The following PDGFD variants were observed in gnomAD, a reference collection of about 807,000 sequenced individuals.
PDGFD encodes the protein platelet-derived growth factor D.
PDGFD carries 30 observed loss-of-function variants against 44.7 expected under a neutral mutation model. That is an observed-to-expected ratio of 0.67 (90% CI 0.50 to 0.91). PDGFD has a LOEUF of 0.91. Ranked by LOEUF, PDGFD falls within the 40% of genes least tolerant of loss-of-function variation. PDGFD has a pLI of 0.00. For synonymous variants in PDGFD, 173 were observed against 168.4 expected (o/e 1.03, Z -0.21); for missense variants, 445 against 457.8 (o/e 0.97, Z 0.25).
chr11:104,102,718 C>T (rs1048683972), intron 1 of PDGFD, among the ~76,000 whole-genome samples: 3 of 152,156 alleles, frequency 2.0e-5, no homozygotes, highest in Non-Finnish European at 4.4e-5. Flanking sequence ...GAAAATGTGG[C>T]ACATATACGC....
Position 104,012,536 on chromosome 11 carries a change from G to A in PDGFD, c.125-12281C>T, listed in dbSNP as rs565948596. ...CATACAACGGATGGTGTTTTAGAATGAAACAAGCTTTTTGTTTTCTTGTTA... is the reference window on the plus strand; with the variant it reads ...CATACAACGGATGGTGTTTTAGAATAAAACAAGCTTTTTGTTTTCTTGTTA... On this transcript the variant is annotated intron_variant, in intron 1 of 6. Transcript: ENST00000393158. Among the ~76,000 whole-genome samples the A allele has an allele frequency of 2.6e-4, 40 of 152,278 alleles. 2 individuals are homozygous for A. The highest frequency in any genetic ancestry group is 1.8e-3 in the Admixed American group (27 of 15,296).
intron 1 of PDGFD, among the ~76,000 whole-genome samples, chr11:104,061,488 C>T (rs1860716820): frequency 1.3e-5 from 2 of 152,036 alleles, no homozygotes; most frequent in African/African-American, 2.4e-5. Context: ...ATTTTAAAAG[C>T]GATCAAAAAT....
chr11:103,914,798 C>G (rs1012286221), intron 6 of PDGFD, among the ~76,000 whole-genome samples: 6 of 152,130 alleles, frequency 3.9e-5, no homozygotes, highest in African/African-American at 1.4e-4. Flanking sequence ...TCAAAATATG[C>G]AAATCAATAA....
chr11:103,936,601 A>G (rs1407768711), intron 5 of PDGFD, among the ~76,000 whole-genome samples: 1 of 152,180 alleles, frequency 6.6e-6, no homozygotes, highest in African/African-American at 2.4e-5. Context: ...TAATTTGCAA[A>G]TTAGAGTCAA....
chr11:103,980,724 G>A (rs1591105430), intron 3 of PDGFD, among the ~76,000 whole-genome samples: 1 of 152,142 alleles, frequency 6.6e-6, no homozygotes, highest in East Asian at 1.9e-4. Flanking sequence ...TGTAGAGGTA[G>A]GGCCTTAGGA....
intron 3 of PDGFD, among the ~76,000 whole-genome samples, chr11:103,973,016 G>A (rs1322101290): frequency 6.6e-6 from 1 of 152,132 alleles, no homozygotes; most frequent in Non-Finnish European, 1.5e-5. Flanking sequence ...ATACAGAAAT[G>A]AGTAATACAG....
chr11:104,090,502 G>A (rs948583703), intron 1 of PDGFD, among the ~76,000 whole-genome samples: 5 of 151,446 alleles, frequency 3.3e-5, no homozygotes, highest in Non-Finnish European at 7.4e-5. Context: ...GGTGGTGGGT[G>A]CCTGTAGTCC....
chr11:103,942,047 T>C (rs1296012545), intron 5 of PDGFD, among the ~76,000 whole-genome samples: 2 of 152,074 alleles, frequency 1.3e-5, no homozygotes, highest in African/African-American at 4.8e-5. Context: ...ACCAGTGACT[T>C]TCTTGTCCCC....
chr11:104,138,274 A>G (rs549467966), intron 1 of PDGFD, among the ~76,000 whole-genome samples: 2 of 152,304 alleles, frequency 1.3e-5, no homozygotes, highest in African/African-American at 2.4e-5. Flanking sequence ...ATTTTTTTAC[A>G]TTAAAAAACT....
chr11:103,994,212 C>T (rs1320409343), intron 3 of PDGFD, among the ~76,000 whole-genome samples: 1 of 152,176 alleles, frequency 6.6e-6, no homozygotes, highest in Non-Finnish European at 1.5e-5. Context: ...ATTCAGCTTA[C>T]TCATAACAAA....
intron 3 of PDGFD, among the ~76,000 whole-genome samples, chr11:103,963,963 T>C (rs1858977010): frequency 6.6e-6 from 1 of 152,276 alleles, no homozygotes; most frequent in East Asian, 1.9e-4. Context: ...TATAAGACAC[T>C]TTACAAATCA....
At chr11:104,054,403 C>T (rs1003973326) in intron 1 of PDGFD, among the ~76,000 whole-genome samples, 8 of 152,034 alleles carry the variant, frequency 5.3e-5, no homozygotes, top group Admixed American at 2.6e-4. Flanking sequence ...CCTAAATATA[C>T]GACAATGTAA....
chr11:104,120,598 G>A (rs1861764221), intron 1 of PDGFD, among the ~76,000 whole-genome samples: 1 of 151,848 alleles, frequency 6.6e-6, no homozygotes, highest in Non-Finnish European at 1.5e-5. Flanking sequence ...ATCATTTTGT[G>A]TATGTTTACT....
chr11:103,928,727 C>G (rs1858356414), intron 5 of PDGFD, among the ~76,000 whole-genome samples: 2 of 152,162 alleles, frequency 1.3e-5, no homozygotes, highest in South Asian at 2.1e-4. Context: ...AAAGACATGT[C>G]ATAACTTTAG....
At chr11:104,082,137 C>CATATATATATATATAT (rs937501432) in intron 1 of PDGFD, among the ~76,000 whole-genome samples, 1 of 123,222 alleles carries the variant, frequency 8.1e-6, no homozygotes, top group African/African-American at 3.4e-5. Context: ...TACATACATA[C>CATATATATATATATAT]ATATATATAT....
intron 3 of PDGFD, among the ~76,000 whole-genome samples, chr11:103,957,092 G>T (rs1043111888): frequency 1.3e-5 from 2 of 152,052 alleles, no homozygotes; most frequent in Non-Finnish European, 2.9e-5. Context: ...TTTGGCTTTT[G>T]TTGCCATTGC....
intron 1 of PDGFD, among the ~76,000 whole-genome samples, chr11:104,025,942 A>G (rs1490102595): frequency 2.0e-5 from 3 of 152,134 alleles, no homozygotes; most frequent in Non-Finnish European, 4.4e-5. Flanking sequence ...TCTGTTAGGC[A>G]CCACATGGGC....
chr11:104,080,214 G>A (rs1304370169), intron 1 of PDGFD, among the ~76,000 whole-genome samples: 6 of 152,138 alleles, frequency 3.9e-5, no homozygotes, highest in African/African-American at 2.4e-5. Context: ...TTCAAAGACT[G>A]TAATTCATTA....
At chr11:104,020,760 G>A (rs2134381951) in intron 1 of PDGFD, among the ~76,000 whole-genome samples, 1 of 152,162 alleles carries the variant, frequency 6.6e-6, no homozygotes, top group Middle Eastern at 3.4e-3. Context: ...TACTGGTCAA[G>A]AATTCTGTTT....
Sources: allele counts gnomAD v4.1 joint callset (sites outside exome capture counted in the v4.1 genomes callset), GRCh38; gene constraint gnomAD v4.1.1; transcripts MANE v1.5; gene names NCBI Gene and HGNC (gene_info 2026-07-23, HGNC 2026-07-21).